Variants in CPXM2 observed in about 807,000 individuals in gnomAD.
CPXM2 encodes the protein inactive carboxypeptidase-like protein X2.
CPXM2 carries 66 observed loss-of-function variants against 86.1 expected under a neutral mutation model. That is an observed-to-expected ratio of 0.77 (90% confidence interval 0.63 to 0.94). The LOEUF is 0.94. CPXM2 is among the 40% of genes least tolerant of loss of function. CPXM2 has a pLI of 0.00. For missense variants in CPXM2, 948 were observed against 1,026.3 expected, an observed-to-expected ratio of 0.92 and a Z score of 1.04; for synonymous variants, 388 against 400.2, an observed-to-expected ratio of 0.97 and a Z score of 0.36.
intron 4 of CPXM2, among the ~76,000 whole-genome samples, chr10:123,816,784 C>T (rs1039385051): frequency 6.6e-6 from 1 of 152,238 alleles, no homozygotes; most frequent in South Asian, 2.1e-4. Flanking sequence ...TATATTAACT[C>T]TCCGGCTTTG....
chr10:123,793,367 G>A (rs1291704745), intron 6 of CPXM2, among the ~76,000 whole-genome samples: 3 of 150,262 alleles, frequency 2.0e-5, no homozygotes, highest in Non-Finnish European at 4.4e-5. Context: ...GGAGGCTAAG[G>A]CAGGAGAATA....
At chr10:123,906,978 T>G (rs568844736) in intron 2 of CPXM2, among the ~76,000 whole-genome samples, 1 of 152,222 alleles carries the variant, frequency 6.6e-6, no homozygotes, top group Non-Finnish European at 1.5e-5. Flanking sequence ...GGTGGATGCC[T>G]GCTACCCATC....
intron 2 of CPXM2, among the ~76,000 whole-genome samples, chr10:123,930,702 T>C (rs889874646): frequency 6.6e-6 from 1 of 152,254 alleles, no homozygotes; most frequent in Non-Finnish European, 1.5e-5. Context: ...GTGCTTTTAA[T>C]TTCCCTGTTA....
upstream of CPXM2, among the ~76,000 whole-genome samples, chr10:123,895,456 C>G (rs1945329870): frequency 6.6e-6 from 1 of 152,178 alleles, no homozygotes; most frequent in Admixed American, 6.5e-5. Flanking sequence ...CTGCACAGCA[C>G]TGATAAGCTC....
At chr10:123,940,336 T>C (rs1250567364), upstream of CPXM2, 1 of 152,298 alleles carries the variant, frequency 6.6e-6, no homozygotes, top group Non-Finnish European at 1.5e-5. Flanking sequence ...ACATGGGACA[T>C]CTGTGTCCTT....
chr10:123,917,434 G>A (rs1945542392), intron 2 of CPXM2, among the ~76,000 whole-genome samples: 1 of 152,214 alleles, frequency 6.6e-6, no homozygotes, highest in Non-Finnish European at 1.5e-5. Flanking sequence ...GAGAGAGCCT[G>A]CGGACAGAAC....
At chr10:123,939,618 G>A (rs1945756267) in intron 1 of CPXM2, 1 of 152,258 alleles carries the variant, frequency 6.6e-6, no homozygotes. Context: ...GCGTCTAAAG[G>A]GCTCAGCGGG....
intron 2 of CPXM2, among the ~76,000 whole-genome samples, chr10:123,908,881 A>C (rs1485285660): frequency 2.0e-5 from 3 of 152,190 alleles, no homozygotes; most frequent in African/African-American, 7.2e-5. Context: ...ACAATCAACA[A>C]ACTGTACACT....
chr10:123,767,819 T>A (rs983122315), intron 9 of CPXM2, among the ~76,000 whole-genome samples: 2 of 152,182 alleles, frequency 1.3e-5, no homozygotes, highest in Non-Finnish European at 2.9e-5. Flanking sequence ...GTAAAGAACG[T>A]ATCAGAATAA....
chr10:123,832,040 T>C (rs10902823), intron 4 of CPXM2, among the ~76,000 whole-genome samples: 33,051 of 151,292 alleles, frequency 0.22, 3,746 homozygotes, highest in Middle Eastern at 0.39. Flanking sequence ...TTGCCAACCA[T>C]GGGCCCCTTC....
chr10:123,936,725 C>A (rs538450117), intron 2 of CPXM2, among the ~76,000 whole-genome samples: 3 of 152,292 alleles, frequency 2.0e-5, no homozygotes, highest in Non-Finnish European at 4.4e-5. Flanking sequence ...CTTTCCTCTC[C>A]ACTCTCCCTT....
chr10:123,909,461 A>G (rs6599630), intron 2 of CPXM2, among the ~76,000 whole-genome samples: 27,726 of 152,204 alleles, frequency 0.18, 3,618 homozygotes, highest in African/African-American at 0.37. Context: ...TATAATTTAT[A>G]TTCCACAAGG....
At chr10:123,931,609 A>T (rs1326102124) in intron 2 of CPXM2, 2 of 152,212 alleles carry the variant, frequency 1.3e-5, no homozygotes, top group Non-Finnish European at 2.9e-5. Flanking sequence ...GAAAAAAAGT[A>T]GCACCAAACT....
At chr10:123,823,915 C>A (rs900337448) in intron 4 of CPXM2, among the ~76,000 whole-genome samples, 1 of 152,100 alleles carries the variant, frequency 6.6e-6, no homozygotes, top group Non-Finnish European at 1.5e-5. Flanking sequence ...ACATGGGCCA[C>A]CATGTTTTAT....
chr10:123,797,950 C>A, intron 6 of CPXM2, 26 bp downstream of exon 6: 3 of 1,551,574 alleles, frequency 1.9e-6, no homozygotes, highest in African/African-American at 1.4e-5. Context: ...TCCCACCCTG[C>A]AGGAAGCACA....
chr10:123,899,352 C>T (rs75795982), intron 2 of CPXM2, among the ~76,000 whole-genome samples: 11,161 of 152,192 alleles, frequency 0.073, 563 homozygotes, highest in East Asian at 0.17. Context: ...GTAGAAAAAT[C>T]GACCTATGTA....
At chr10:123,875,829 T>C (rs1944977446) in intron 2 of CPXM2, among the ~76,000 whole-genome samples, 1 of 142,148 alleles carries the variant, frequency 7.0e-6, no homozygotes, top group African/African-American at 2.6e-5. Context: ...TTTTTTTTTT[T>C]TTGGTGGGAC....
chr10:123,912,179 C>T (rs2134271230), intron 2 of CPXM2, among the ~76,000 whole-genome samples: 1 of 152,128 alleles, frequency 6.6e-6, no homozygotes, highest in Admixed American at 6.5e-5. Context: ...TCTTAGGAGC[C>T]TGCCTTTCCC....
intron 2 of CPXM2, among the ~76,000 whole-genome samples, chr10:123,875,807 C>CTTTTTTTTTTTTTTTTTTT (rs780970130): frequency 1.2e-5 from 1 of 84,680 alleles, no homozygotes; most frequent in Non-Finnish European, 2.4e-5. Flanking sequence ...TCTTTTCTTT[C>CTTTTTTTTTTTTTTTTTTT]TTTTTTTTTT....
Sources: gnomAD v4.1 joint callset for allele counts (sites outside exome capture counted in the v4.1 genomes callset) on GRCh38, gnomAD v4.1.1 for gene constraint, MANE v1.5 for transcripts, NCBI Gene and HGNC (gene_info 2026-07-23, HGNC 2026-07-21) for gene names.